Variants in ZNF608 observed in about 807,000 individuals in gnomAD.
ZNF608 encodes renal carcinoma antigen NY-REN-36.
ZNF608 carries 12 observed loss-of-function variants against 109.0 expected under a neutral mutation model. That is an observed-to-expected ratio of 0.11 (90% confidence interval 0.07 to 0.18). ZNF608 has a LOEUF of 0.18. Among genes scored for constraint, ZNF608 ranks in the 10% least tolerant of loss-of-function variants. ZNF608 has a pLI of 1.00. For synonymous variants in ZNF608, 732 were observed against 717.4 expected (o/e 1.02, Z -0.33); for missense variants, 1,707 against 1,879.3 (o/e 0.91, Z 1.70).
chr5:124,659,740 T>C (rs569470317), intron 3 of ZNF608, among the ~76,000 whole-genome samples: 2 of 152,346 alleles, frequency 1.3e-5, no homozygotes, highest in East Asian at 1.9e-4. Context: ...CTACAGATTA[T>C]AGGACTGTAT....
At position 124,720,205 on chromosome 5, in the gene ZNF608, C is replaced by T. The variant is rs115698309; in HGVS notation, c.907-18936G>A. On this transcript the variant is annotated intron_variant, in intron 2 of 9. Transcript: ENST00000513986. The stretch of plus-strand genomic sequence containing the variant: ...CTTCTCAGTAAGTAATTTATCTGAG[C>T]GAATGTATTTGGGGGCAAGCGGGGT... Among the ~76,000 whole-genome samples, 1,108 of 152,192 alleles carry T rather than the reference C, an allele frequency of 7.3e-3. 12 individuals carry two copies. The highest frequency in any genetic ancestry group is 0.011 in the Admixed American group (174 of 15,292).
At chr5:124,695,063 C>A (rs1312896678) in intron 3 of ZNF608, among the ~76,000 whole-genome samples, 1 of 152,156 alleles carries the variant, frequency 6.6e-6, no homozygotes, top group Non-Finnish European at 1.5e-5. Context: ...ACCTGCCCAA[C>A]TCACACATTG....
chr5:124,685,929 C>T (rs1010080981), intron 3 of ZNF608, among the ~76,000 whole-genome samples: 1 of 152,218 alleles, frequency 6.6e-6, no homozygotes, highest in African/African-American at 2.4e-5. Context: ...GCCTCAAATA[C>T]TTAACAGTCA....
intron 2 of ZNF608, among the ~76,000 whole-genome samples, chr5:124,713,692 C>T (rs1338580537): frequency 6.6e-6 from 1 of 151,912 alleles, no homozygotes; most frequent in Non-Finnish European, 1.5e-5. Flanking sequence ...CAGCCATTTA[C>T]AGAAAAAATT....
At chr5:124,677,007 T>C (rs1717116073) in intron 3 of ZNF608, among the ~76,000 whole-genome samples, 1 of 152,234 alleles carries the variant, frequency 6.6e-6, no homozygotes, top group Non-Finnish European at 1.5e-5. Context: ...AATTTTCTAT[T>C]ACTTAATCTA....
chr5:124,675,567 C>T (rs1347791678), intron 3 of ZNF608, among the ~76,000 whole-genome samples: 4 of 152,152 alleles, frequency 2.6e-5, no homozygotes, highest in Admixed American at 6.5e-5. Context: ...TTTATGTTTA[C>T]TAAATCCTTA....
chr5:124,743,943 A>T, intron 2 of ZNF608, 141 bp downstream of exon 2: 2 of 1,241,568 alleles, frequency 1.6e-6, no homozygotes, highest in Non-Finnish European at 2.2e-6. Context: ...ATCAAATTTT[A>T]ATATAAAGGA....
chr5:124,648,177 C>T lies in ZNF608; in HGVS notation c.2207G>A (p.Arg736Gln), dbSNP rs200298192. 39 of 1,613,142 alleles carry T rather than the reference C, an allele frequency of 2.4e-5. No homozygotes were observed. Among genetic ancestry groups the T allele is most frequent in the East Asian group, 4.5e-5 (2 of 44,886 alleles). Residue 736 changes from arginine to glutamine, a missense_variant, in exon 5 of 10, where the codon CGG becomes CAG. Arg to Gln is a conservative substitution (Grantham distance 43, BLOSUM62 1). Transcript: ENST00000513986. ...GGGGGCTGGGGCAGGGGCAATGGGC[C>T]GGGCACTTTTCAGTTTAGAGAGGTT... ...DKNLSKLKSARPIAPAPAPTP... is the reference protein window; with the variant it reads ...DKNLSKLKSAQPIAPAPAPTP...
At chr5:124,702,031 G>A (rs919772012) in intron 2 of ZNF608, among the ~76,000 whole-genome samples, 3 of 152,110 alleles carry the variant, frequency 2.0e-5, no homozygotes, top group East Asian at 1.9e-4. Context: ...AATGTAAATC[G>A]CAGCCAACTA....
intron 2 of ZNF608, among the ~76,000 whole-genome samples, chr5:124,734,427 G>A (rs1359531689): frequency 6.6e-6 from 1 of 152,150 alleles, no homozygotes; most frequent in African/African-American, 2.4e-5. Flanking sequence ...TGAAAGAGAG[G>A]AAATGGAGTT....
chr5:124,651,331 G>C (rs902874850), intron 3 of ZNF608, among the ~76,000 whole-genome samples: 3 of 152,166 alleles, frequency 2.0e-5, no homozygotes, highest in African/African-American at 7.2e-5. Flanking sequence ...GGAGGGGGTG[G>C]GAGAGGAGGC....
intron 3 of ZNF608, among the ~76,000 whole-genome samples, chr5:124,690,160 T>G (rs1158789862): frequency 6.6e-6 from 1 of 152,200 alleles, no homozygotes; most frequent in Non-Finnish European, 1.5e-5. Context: ...CAACAATATG[T>G]CATCTTTAGA....
At chr5:124,675,652 G>C (rs1466482952) in intron 3 of ZNF608, among the ~76,000 whole-genome samples, 2 of 152,188 alleles carry the variant, frequency 1.3e-5, no homozygotes, top group Admixed American at 1.3e-4. Flanking sequence ...TCCCTGTCAG[G>C]ATTCATTCCA....
At chr5:124,699,001 G>A (rs1317781733) in intron 3 of ZNF608, among the ~76,000 whole-genome samples, 1 of 152,200 alleles carries the variant, frequency 6.6e-6, no homozygotes, top group African/African-American at 2.4e-5. Context: ...GGAGTGCTAA[G>A]TCATAGCTAA....
At chr5:124,741,419 A>G (rs941508917) in intron 2 of ZNF608, among the ~76,000 whole-genome samples, 1 of 146,386 alleles carries the variant, frequency 6.8e-6, no homozygotes, top group Non-Finnish European at 1.5e-5. Context: ...AAAAAAAAAA[A>G]TGCACACACA....
chr5:124,694,541 C>T (rs992944246), intron 3 of ZNF608, among the ~76,000 whole-genome samples: 67 of 151,996 alleles, frequency 4.4e-4, no homozygotes, highest in African/African-American at 1.5e-3. Context: ...CTGTTGACAA[C>T]GGTGACGAAC....
chr5:124,716,142 C>CAA (rs1232356378), intron 2 of ZNF608, among the ~76,000 whole-genome samples: 1,124 of 73,628 alleles, frequency 0.015, 16 homozygotes, highest in Non-Finnish European at 0.025. Context: ...GAATCCGTCT[C>CAA]AAAAAAAAAA....
At chr5:124,684,179 T>C (rs1322769133) in intron 3 of ZNF608, among the ~76,000 whole-genome samples, 3 of 152,358 alleles carry the variant, frequency 2.0e-5, no homozygotes, top group Middle Eastern at 3.4e-3. Context: ...TTAGAATTCT[T>C]TAAGTCTGAA....
In ZNF608 at chr5:124,691,914, TA is replaced by T. The variant is rs552389413; in HGVS notation, c.1162+9099del. Among the ~76,000 whole-genome samples, 670 of 146,014 alleles carry T rather than the reference TA, an allele frequency of 4.6e-3. 4 individuals are homozygous for T. The highest frequency in any genetic ancestry group is 0.015 in the African/African-American group (586 of 40,046). On this transcript the variant is annotated intron_variant, in intron 3 of 9. Transcript: ENST00000513986. ...ACAACACGGTACCTATGGTTAAGAA[TA>T]AAAAAAAAAATCAAGAAAATGAACT... is the stretch of plus-strand genomic sequence containing the variant.
Sources: allele counts gnomAD v4.1 joint callset (sites outside exome capture counted in the v4.1 genomes callset), GRCh38; gene constraint gnomAD v4.1.1; transcripts MANE v1.5; gene names NCBI Gene and HGNC (gene_info 2026-07-23, HGNC 2026-07-21).